NDUFAF1: variants seen among roughly 807,000 people sequenced by gnomAD.
NDUFAF1 encodes the protein NADH:ubiquinone oxidoreductase complex assembly factor 1, also known as complex I intermediate-associated protein 30, mitochondrial.
A neutral mutation model predicts 28.7 loss-of-function variants in NDUFAF1; 18 were observed. That is an observed-to-expected ratio of 0.63 (90% CI 0.43 to 0.93). The LOEUF is 0.93. NDUFAF1 is among the 40% of genes least tolerant of loss of function. The pLI, the probability that NDUFAF1 is intolerant of heterozygous loss-of-function variation, is 0.00. For synonymous variants in NDUFAF1, 113 were observed against 139.7 expected (o/e 0.81, Z 1.35); for missense variants, 404 against 398.3 (o/e 1.01, Z -0.12).
intron 3 of NDUFAF1, among the ~76,000 whole-genome samples, chr15:41,391,738 G>C (rs770545814): frequency 1.3e-5 from 2 of 152,132 alleles, no homozygotes; most frequent in East Asian, 3.8e-4. Context: ...TTATAGGATG[G>C]TGGTGTTGAA....
chr15:41,396,166 T>G (rs2140921901), intron 2 of NDUFAF1, among the ~76,000 whole-genome samples: 1 of 152,140 alleles, frequency 6.6e-6, no homozygotes, highest in East Asian at 1.9e-4. Context: ...GTTGTGGTCT[T>G]TTTTAGAGGA....
rs750885324 is a variant in NDUFAF1 at position 41,394,950 on chromosome 15, A to T, written c.668T>A (p.Ile223Asn). 1 of 1,614,128 alleles carries T rather than the reference A, an allele frequency of 6.2e-7. No homozygotes were observed. Among genetic ancestry groups the T allele is most frequent in the South Asian group, 1.1e-5 (1 of 91,080 alleles). Reference protein sequence around the residue: ...RGDGRPWMVNIKEDTDFFQRT... With the variant: ...RGDGRPWMVNNKEDTDFFQRT... The stretch of plus-strand genomic sequence containing the variant: ...CTGGAAGAAATCTGTGTCCTCCTTG[A>T]TATTCACCATCCAAGGCCGACCATC... The change falls in exon 3 of 5, where the codon ATC (isoleucine) becomes AAC (asparagine). Residue 223 changes from isoleucine (I) to asparagine (N), a missense_variant. By Grantham distance (149) the Ile-to-Asn change is moderately radical. Coordinates refer to ENST00000260361, the MANE Select transcript of NDUFAF1 (RefSeq NM_016013.4).
intron 1 of NDUFAF1, among the ~76,000 whole-genome samples, chr15:41,399,176 G>A (rs915509631): frequency 4.6e-5 from 7 of 151,922 alleles, no homozygotes; most frequent in Admixed American, 1.3e-4. Flanking sequence ...CAGGGCAGGC[G>A]GATCACCTAG....
intron 3 of NDUFAF1, among the ~76,000 whole-genome samples, chr15:41,391,893 T>G (rs1454589588): frequency 6.6e-6 from 1 of 151,672 alleles, no homozygotes; most frequent in Non-Finnish European, 1.5e-5. Flanking sequence ...CAACACTAAG[T>G]GCAAAGCTCT....
intron 1 of NDUFAF1, among the ~76,000 whole-genome samples, chr15:41,398,611 C>G (rs1566826516): frequency 6.6e-6 from 1 of 152,082 alleles, no homozygotes; most frequent in Non-Finnish European, 1.5e-5. Context: ...ACCTCAGCCT[C>G]CAAGGTAGCT....
In NDUFAF1 at chr15:41,389,054, C is replaced by T. The variant is rs577343376; in HGVS notation, c.760-532G>A. ...TATGTAATTTACTTATTATTAAGCACGATCTTTTAAAACTATATCTGGCTT... is the reference window on the plus strand; with the variant it reads ...TATGTAATTTACTTATTATTAAGCATGATCTTTTAAAACTATATCTGGCTT... On this transcript the variant is annotated intron_variant, in intron 3 of 4. Transcript: ENST00000260361. 9.2e-5 allele frequency among the ~76,000 whole-genome samples: 14 copies of T among 151,910 alleles called. No homozygotes were observed. The East Asian group carries it at 9.7e-4, about 11-fold the overall frequency.
At position 41,402,136 on chromosome 15, in the gene NDUFAF1, T is replaced by C. The variant is rs1333297084; in HGVS notation, c.-82+8A>G. 2.2e-6 allele frequency: 1 copy of C among 449,126 alleles called. No homozygotes were observed. Among genetic ancestry groups the C allele is most frequent in the Non-Finnish European group, 4.5e-6 (1 of 222,682 alleles). 27.8% of individuals were successfully genotyped at this position (449,126 alleles called of 1,614,324 possible). Reference sequence around the variant, plus strand: ...TGAGTAGAATTAGTAAAGCTATCCATGCCTTACCATGTGCCAGAAACTGCT... The same window carrying C: ...TGAGTAGAATTAGTAAAGCTATCCACGCCTTACCATGTGCCAGAAACTGCT... On this transcript the variant is annotated splice_region_variant and intron_variant, in intron 1 of 4. Transcript: ENST00000260361.
chr15:41,394,464 C>T, intron 3 of NDUFAF1: 1 of 925,656 alleles, frequency 1.1e-6, no homozygotes, highest in Non-Finnish European at 1.5e-6. Context: ...TGGCCACATC[C>T]ATATCAAAAA....
At chr15:41,401,267 CTTTTTTTT>C (rs755063294) in intron 1 of NDUFAF1, among the ~76,000 whole-genome samples, 1 of 111,224 alleles carries the variant, frequency 9.0e-6, no homozygotes, top group East Asian at 2.3e-4. Flanking sequence ...GGCGCCCAAC[CTTTTTTTT>C]TTTTTTTTTT....
chr15:41,392,345 A>G (rs1325435808), intron 3 of NDUFAF1, among the ~76,000 whole-genome samples: 3 of 152,108 alleles, frequency 2.0e-5, no homozygotes, highest in Non-Finnish European at 4.4e-5. Context: ...AAGTGCTGGG[A>G]TTAAAAGCAT....
chr15:41,396,433 C>T (rs973290300), intron 2 of NDUFAF1, 54 bp downstream of exon 2: 2 of 1,526,594 alleles, frequency 1.3e-6, no homozygotes, highest in African/African-American at 2.7e-5. Flanking sequence ...GTTTATGCTA[C>T]AATGAAGTTC....
intron 1 of NDUFAF1, among the ~76,000 whole-genome samples, chr15:41,401,188 G>A (rs995542971): frequency 8.0e-5 from 12 of 150,282 alleles, no homozygotes; most frequent in African/African-American, 2.7e-4. Context: ...GAGTGGTCTC[G>A]AACTCCTGAC....
At chr15:41,397,632 T>C (rs2050407860) in intron 1 of NDUFAF1, among the ~76,000 whole-genome samples, 1 of 151,734 alleles carries the variant, frequency 6.6e-6, no homozygotes, top group South Asian at 2.1e-4. Context: ...ACCCCGTCTC[T>C]ACTAAAAATA....
Position 41,396,977 on chromosome 15 carries a change from A to C in NDUFAF1, c.83T>G (p.Leu28Trp). ...GGAATACTCTGCAAAGCGAATACCC[A>C]AAAATGGATACAAGGCAGAAGTTGG... ...SKPTSALYPF[L>W]GIRFAEYSSS... Residue 28 changes from leucine (L) to tryptophan (W), a missense_variant, in exon 2 of 5, where the codon TTG becomes TGG. Transcript: ENST00000260361. 6.2e-7 allele frequency: 1 copy of C among 1,612,064 alleles called. No homozygotes were observed. Among genetic ancestry groups the C allele is most frequent in the Non-Finnish European group, 8.5e-7 (1 of 1,179,134 alleles).
chr15:41,388,545 T>G (rs2050278702), intron 3 of NDUFAF1, 23 bp from the exon 4 acceptor site: 4 of 1,510,020 alleles, frequency 2.6e-6, no homozygotes, highest in Non-Finnish European at 3.7e-6. Context: ...ACCATTTACT[T>G]CATAACTGAA....
chr15:41,402,261 C>A lies in NDUFAF1; in HGVS notation c.-199G>T, dbSNP rs1299472979. The A allele has an allele frequency of 1.5e-5, 7 of 453,964 alleles. No homozygotes were observed. The highest frequency in any genetic ancestry group is 3.1e-5 in the Non-Finnish European group (7 of 226,790). The allele number at this position is 453,964 out of a possible 1,614,324, so 28.1% of individuals were successfully genotyped here. A position where few individuals can be genotyped will look rare whatever the true frequency, so the allele number is the denominator to read the frequency against. ...ACTGACGTTCCAAGGCTAATTTACCCGAGGTCACACAGGTAGTGAGTGGCA... is the reference window on the plus strand; with the variant it reads ...ACTGACGTTCCAAGGCTAATTTACCAGAGGTCACACAGGTAGTGAGTGGCA... On this transcript the variant is annotated 5_prime_UTR_variant, in exon 1 of 5. Transcript: ENST00000260361.
chr15:41,391,920 T>G (rs1455194837), intron 3 of NDUFAF1, among the ~76,000 whole-genome samples: 1 of 151,878 alleles, frequency 6.6e-6, no homozygotes, highest in Non-Finnish European at 1.5e-5. Flanking sequence ...GAAATGAGGT[T>G]GTTAAATCTG....
chr15:41,387,686 A>T (rs1227118874), intron 4 of NDUFAF1, 93 bp from the exon 5 acceptor site: 1 of 1,105,406 alleles, frequency 9.0e-7, no homozygotes, highest in Non-Finnish European at 1.4e-6. Flanking sequence ...TGATGATTAT[A>T]ACTGGGTTTT....
rs936363496 is a variant in NDUFAF1 at position 41,402,265 on chromosome 15, G to T, written c.-203C>A. 1 of 454,064 alleles carries T rather than the reference G, an allele frequency of 2.2e-6. No homozygotes were observed. Among genetic ancestry groups the T allele is most frequent in the South Asian group, 1.6e-5 (1 of 64,478 alleles). 28.1% of individuals were successfully genotyped at this position (454,064 alleles called of 1,614,324 possible). The stretch of plus-strand genomic sequence containing the variant: ...ACGTTCCAAGGCTAATTTACCCGAG[G>T]TCACACAGGTAGTGAGTGGCAAAAT... On this transcript the variant is annotated 5_prime_UTR_variant, in exon 1 of 5. Transcript: ENST00000260361.
Sources: gnomAD v4.1 joint callset for allele counts (sites outside exome capture counted in the v4.1 genomes callset) on GRCh38, gnomAD v4.1.1 for gene constraint, MANE v1.5 for transcripts, NCBI Gene and HGNC (gene_info 2026-07-23, HGNC 2026-07-21) for gene names.